The following CREB5 variants were observed in gnomAD, a reference collection of about 807,000 sequenced individuals.
CREB5 encodes the protein cyclic AMP-responsive element-binding protein 5.
CREB5 carries 19 observed loss-of-function variants against 57.1 expected under a neutral mutation model. That is an observed-to-expected ratio of 0.33 (90% CI 0.23 to 0.49). CREB5 has a LOEUF of 0.49. Among genes scored for constraint, CREB5 ranks in the 20% least tolerant of loss-of-function variants. CREB5 has a pLI of 0.99. For synonymous variants in CREB5, 238 were observed against 238.3 expected (o/e 1.00, Z 0.01); for missense variants, 579 against 671.6 (o/e 0.86, Z 1.52).
intron 4 of CREB5, among the ~76,000 whole-genome samples, chr7:28,549,907 C>T (rs1489424804): frequency 6.6e-6 from 1 of 152,166 alleles, no homozygotes; most frequent in African/African-American, 2.4e-5. Context: ...AACTAAGACC[C>T]TAGAGCACAT....
intron 4 of CREB5, among the ~76,000 whole-genome samples, chr7:28,548,773 A>C (rs984256628): frequency 1.3e-5 from 2 of 152,192 alleles, no homozygotes; most frequent in African/African-American, 4.8e-5. Flanking sequence ...GTATTTGTTA[A>C]ATATTACCGT....
chr7:28,501,866 G>A (rs943259872), intron 3 of CREB5, among the ~76,000 whole-genome samples: 9 of 152,150 alleles, frequency 5.9e-5, no homozygotes, highest in African/African-American at 2.2e-4. Flanking sequence ...TTGAGCATGC[G>A]TTGTAAGAGA....
chr7:28,600,302 C>T (rs1003190630), intron 5 of CREB5, among the ~76,000 whole-genome samples: 1 of 152,126 alleles, frequency 6.6e-6, no homozygotes, highest in Non-Finnish European at 1.5e-5. Context: ...CATCGACTGT[C>T]CTGACATCTC....
intron 4 of CREB5, among the ~76,000 whole-genome samples, chr7:28,567,274 A>C (rs1187018718): frequency 6.6e-6 from 1 of 152,226 alleles, no homozygotes; most frequent in Non-Finnish European, 1.5e-5. Context: ...CCCATAACTG[A>C]ACCGTAATTT....
intron 1 of CREB5, among the ~76,000 whole-genome samples, chr7:28,389,468 A>G (rs1444749835): frequency 6.6e-6 from 1 of 152,134 alleles, no homozygotes. Context: ...CCAAATCTCC[A>G]TGTAAAATGG....
rs183213310 is a variant in CREB5 at position 28,495,076 on chromosome 7, G to A, written c.169+77G>A. The A allele has an allele frequency of 1.4e-3, 1,337 of 982,326 alleles. 16 individuals carry two copies. In the African/African-American group the frequency reaches 0.02, roughly 15 times the overall value. The allele number at this position is 982,326 out of a possible 1,614,324, so 60.9% of individuals were successfully genotyped here. On this transcript the variant is annotated intron_variant, in intron 3 of 10. Coordinates refer to ENST00000357727, the MANE Select transcript of CREB5 (RefSeq NM_182898.4). ...GAGATACTTGTTCTTCTTTTGGTAG[G>A]CGAGTCCCACTGGTAAATTGTGCAC...
chr7:28,775,607 T>G (rs1806582468), intron 7 of CREB5, among the ~76,000 whole-genome samples: 1 of 146,932 alleles, frequency 6.8e-6, no homozygotes, highest in Non-Finnish European at 1.5e-5. Flanking sequence ...GATTTTTGTT[T>G]TGTGTATTCT....
intron 1 of CREB5, among the ~76,000 whole-genome samples, chr7:28,300,354 A>C (rs1407382540): frequency 6.6e-6 from 1 of 152,218 alleles, no homozygotes; most frequent in Non-Finnish European, 1.5e-5. Context: ...TATGCCGTCA[A>C]GGCAGCTTGG....
chr7:28,443,918 T>G (rs1225939838), intron 1 of CREB5, among the ~76,000 whole-genome samples: 1 of 152,206 alleles, frequency 6.6e-6, no homozygotes, highest in East Asian at 1.9e-4. Context: ...GCGGTATTGG[T>G]AGATCCTGAT....
intron 5 of CREB5, among the ~76,000 whole-genome samples, chr7:28,686,750 C>A (rs1800951801): frequency 6.6e-6 from 1 of 152,194 alleles, no homozygotes; most frequent in African/African-American, 2.4e-5. Flanking sequence ...AGTTTATTAT[C>A]AATTGCAGTG....
At chr7:28,685,223 G>T (rs1395970676) in intron 5 of CREB5, among the ~76,000 whole-genome samples, 1 of 152,164 alleles carries the variant, frequency 6.6e-6, no homozygotes, top group African/African-American at 2.4e-5. Flanking sequence ...CCTTTGGAAG[G>T]TTCACCTGAG....
At chr7:28,725,658 AAAAAG>A (rs1349633447) in intron 7 of CREB5, among the ~76,000 whole-genome samples, 31 of 151,316 alleles carry the variant, frequency 2.0e-4, no homozygotes, top group African/African-American at 5.1e-4. Context: ...AAAAAAAAAA[AAAAAG>A]AAAGAAAGAA....
At chr7:28,636,501 C>G (rs980446038) in intron 5 of CREB5, among the ~76,000 whole-genome samples, 1 of 152,164 alleles carries the variant, frequency 6.6e-6, no homozygotes, top group Non-Finnish European at 1.5e-5. Flanking sequence ...TCCTGTGTGG[C>G]ACTTACTTCT....
intron 5 of CREB5, among the ~76,000 whole-genome samples, chr7:28,617,780 A>G (rs1201669818): frequency 6.6e-6 from 1 of 152,226 alleles, no homozygotes; most frequent in Admixed American, 6.5e-5. Context: ...AAAAAATCAG[A>G]GCCTTTCTTG....
At chr7:28,777,867 G>A (rs770799680) in intron 7 of CREB5, among the ~76,000 whole-genome samples, 2 of 152,142 alleles carry the variant, frequency 1.3e-5, no homozygotes, top group Non-Finnish European at 2.9e-5. Flanking sequence ...ATAATAGTAA[G>A]TCACTTGGAA....
chr7:28,670,232 C>A (rs1799978596), intron 5 of CREB5, among the ~76,000 whole-genome samples: 1 of 152,118 alleles, frequency 6.6e-6, no homozygotes, highest in African/African-American at 2.4e-5. Flanking sequence ...AACAACAATA[C>A]CTAATAATAA....
rs563148519 is a variant in CREB5, at chr7:28,607,306, C to G, written c.464+36769C>G. ...GAGAAATGTGTACAATGTGAGGCCC[C>G]AAGACTGAATGCAAGGAGAAATAGG... On this transcript the variant is annotated intron_variant, in intron 5 of 10. Coordinates refer to ENST00000357727, the MANE Select transcript of CREB5 (RefSeq NM_182898.4). Among the ~76,000 whole-genome samples the G allele has an allele frequency of 3.3e-5, 5 of 152,188 alleles. No homozygotes were observed. In the East Asian group the frequency reaches 9.7e-4, roughly 29 times the overall value.
At chr7:28,724,112 G>T in intron 6 of CREB5, 110 bp from the exon 7 acceptor site, 1 of 903,048 alleles carries the variant, frequency 1.1e-6, no homozygotes, top group Non-Finnish European at 1.7e-6. Flanking sequence ...GCCTTCTCAG[G>T]ATTTCTTCAA....
intron 5 of CREB5, among the ~76,000 whole-genome samples, chr7:28,629,060 C>T (rs998235540): frequency 6.6e-6 from 1 of 152,190 alleles, no homozygotes; most frequent in Non-Finnish European, 1.5e-5. Context: ...TTACCTCTTG[C>T]CACCTGTGTC....
Sources: allele counts gnomAD v4.1 joint callset (sites outside exome capture counted in the v4.1 genomes callset), GRCh38; gene constraint gnomAD v4.1.1; transcripts MANE v1.5; gene names NCBI Gene and HGNC (gene_info 2026-07-23, HGNC 2026-07-21).